Variants in INTS4 observed in about 807,000 individuals in gnomAD.
INTS4 encodes the protein MSTP093.
Under a neutral mutation model 119.5 loss-of-function variants are expected in INTS4, and 70 were observed. The observed-to-expected ratio is 0.59, with a 90% CI of 0.48 to 0.71. The LOEUF (loss-of-function observed/expected upper bound fraction) is 0.71. INTS4 is among the 30% of genes least tolerant of loss of function. The pLI is 0.00. For missense variants in INTS4, 867 were observed against 1,173.2 expected (o/e 0.74, Z 3.81); for synonymous variants, 316 against 419.6 (o/e 0.75, Z 3.02).
At chr11:77,892,670 C>A (rs1952326312) in intron 19 of INTS4, among the ~76,000 whole-genome samples, 1 of 152,084 alleles carries the variant, frequency 6.6e-6, no homozygotes, top group African/African-American at 2.4e-5. Flanking sequence ...GGAACCTCCG[C>A]CTCCCGGGTT....
chr11:77,948,639 C>A (rs1188379704), intron 8 of INTS4, among the ~76,000 whole-genome samples: 1 of 123,028 alleles, frequency 8.1e-6, no homozygotes, highest in Non-Finnish European at 1.6e-5. Context: ...GGAGTGAGAC[C>A]CTGTCTCAAA....
At chr11:77,941,356 T>C in intron 8 of INTS4, 105 bp from the exon 9 acceptor site, 1 of 1,315,294 alleles carries the variant, frequency 7.6e-7, no homozygotes, top group South Asian at 1.6e-5. Context: ...GATAATATTA[T>C]TCATGACAGT....
intron 2 of INTS4, among the ~76,000 whole-genome samples, chr11:77,983,807 T>A (rs913364835): frequency 6.6e-6 from 1 of 152,188 alleles, no homozygotes; most frequent in Non-Finnish European, 1.5e-5. Flanking sequence ...AGATCAAGTG[T>A]AGGAAAACAG....
intron 4 of INTS4, among the ~76,000 whole-genome samples, chr11:77,967,869 T>C (rs1855563664): frequency 6.6e-6 from 1 of 152,196 alleles, no homozygotes; most frequent in Non-Finnish European, 1.5e-5. Context: ...AAACTAAATA[T>C]AGTCATGCAT....
At chr11:77,896,406 C>T (rs539125474) in intron 18 of INTS4, among the ~76,000 whole-genome samples, 5 of 152,064 alleles carry the variant, frequency 3.3e-5, no homozygotes, top group Admixed American at 3.3e-4. Context: ...AATTCCAACA[C>T]TTTGGGAGGC....
intron 18 of INTS4, 57 bp from the exon 19 acceptor site, chr11:77,894,406 C>A (rs1367692218): frequency 2.2e-6 from 2 of 896,394 alleles, no homozygotes; most frequent in Non-Finnish European, 1.8e-6. Flanking sequence ...TGAGGAGGAC[C>A]AAAAGTCCCA....
chr11:77,907,203 T>C (rs1018269518), intron 16 of INTS4, among the ~76,000 whole-genome samples: 1 of 152,076 alleles, frequency 6.6e-6, no homozygotes, highest in African/African-American at 2.4e-5. Flanking sequence ...TCCAGCCGAG[T>C]AGCTGGATAT....
chr11:77,926,417 C>T (rs1222379742), intron 11 of INTS4, among the ~76,000 whole-genome samples: 1 of 152,144 alleles, frequency 6.6e-6, no homozygotes, highest in Admixed American at 6.6e-5. Flanking sequence ...CAATTCTGTA[C>T]ATCAAAACAT....
chr11:77,889,826 C>A lies in INTS4; in HGVS notation c.2592+1493G>T, dbSNP rs577420095. 2.6e-5 allele frequency among the ~76,000 whole-genome samples: 4 copies of A among 152,238 alleles called. No homozygotes were observed. The South Asian group carries it at 8.3e-4, about 32-fold the overall frequency. ...CCTATAAGGTATCTAAAAGGTTTAG[C>A]CTTGCGTGTGGTAGAGGTGCTATGA... On this transcript the variant is annotated intron_variant, in intron 21 of 22. Transcript: ENST00000534064.
At chr11:77,951,316 G>T (rs112788380) in intron 8 of INTS4, among the ~76,000 whole-genome samples, 29,234 of 152,018 alleles carry the variant, frequency 0.19, 2,858 homozygotes, top group Middle Eastern at 0.23. Flanking sequence ...AAAAGAGAGA[G>T]ATAGACCAAT....
At chr11:77,955,913 T>A in intron 8 of INTS4, 29 bp downstream of exon 8, 1 of 1,564,612 alleles carries the variant, frequency 6.4e-7, no homozygotes, top group Non-Finnish European at 8.7e-7. Flanking sequence ...TATACATGCA[T>A]ACATACATAC....
chr11:77,951,293 C>T (rs1464478978), intron 8 of INTS4, among the ~76,000 whole-genome samples: 2 of 151,976 alleles, frequency 1.3e-5, no homozygotes, highest in Non-Finnish European at 2.9e-5. Flanking sequence ...CCTGAGGAAT[C>T]GCTACAGGTA....
intron 15 of INTS4, chr11:77,910,960 T>G: frequency 7.8e-7 from 1 of 1,275,964 alleles, no homozygotes; most frequent in African/African-American, 1.5e-5. Flanking sequence ...AAATGGAAAC[T>G]GTGGGAAACC....
chr11:77,994,441 A>T (rs1054138031), intron 1 of INTS4, 149 bp downstream of exon 1: 1 of 655,274 alleles, frequency 1.5e-6, no homozygotes. Flanking sequence ...GCAAACTAAC[A>T]CGCCCACTAA....
At chr11:77,886,037 C>T (rs1468108912) in intron 21 of INTS4, among the ~76,000 whole-genome samples, 1 of 151,816 alleles carries the variant, frequency 6.6e-6, no homozygotes, top group Non-Finnish European at 1.5e-5. Flanking sequence ...CCCCCAATCT[C>T]CACACAAAAA....
chr11:77,959,582 G>C (rs971062653), intron 6 of INTS4, among the ~76,000 whole-genome samples: 2 of 151,956 alleles, frequency 1.3e-5, no homozygotes, highest in African/African-American at 2.4e-5. Flanking sequence ...AGTTTCCTTT[G>C]AATTATTTGG....
chr11:77,916,887 A>G (rs1213623106), intron 15 of INTS4, among the ~76,000 whole-genome samples: 1 of 152,248 alleles, frequency 6.6e-6, no homozygotes, highest in Non-Finnish European at 1.5e-5. Context: ...TACCTTAAGA[A>G]CAAATGTCAT....
At chr11:77,897,848 GC>G (rs1180856562) in intron 18 of INTS4, among the ~76,000 whole-genome samples, 1 of 151,790 alleles carries the variant, frequency 6.6e-6, no homozygotes, top group Non-Finnish European at 1.5e-5. Context: ...TTGTTCTGTT[GC>G]CCAAGTTGGA....
chr11:77,944,960 A>G (rs1472640573), intron 8 of INTS4, among the ~76,000 whole-genome samples: 4 of 152,224 alleles, frequency 2.6e-5, no homozygotes, highest in African/African-American at 9.6e-5. Flanking sequence ...CACCAGAGTT[A>G]CCTGGCACAT....
Sources: allele counts gnomAD v4.1 joint callset (sites outside exome capture counted in the v4.1 genomes callset), GRCh38; gene constraint gnomAD v4.1.1; transcripts MANE v1.5; gene names NCBI Gene and HGNC (gene_info 2026-07-23, HGNC 2026-07-21).